Variants in SEMA3E observed in about 807,000 individuals in gnomAD.
SEMA3E encodes the protein semaphorin 3E.
Under a neutral mutation model 93.6 loss-of-function variants are expected in SEMA3E, and 49 were observed. The ratio of observed to expected loss-of-function variants is 0.52; its 90% CI spans 0.42 to 0.66. The LOEUF is 0.66. SEMA3E is among the 30% of genes least tolerant of loss of function. The pLI is 0.00. For missense variants in SEMA3E, 906 were observed against 964.8 expected (o/e 0.94, Z 0.81); for synonymous variants, 363 against 330.7 (o/e 1.10, Z -1.06).
intron 2 of SEMA3E, among the ~76,000 whole-genome samples, chr7:83,482,678 T>C (rs1040738601): frequency 1.5e-4 from 23 of 151,178 alleles, no homozygotes; most frequent in African/African-American, 5.6e-4. Context: ...TTTCATTACA[T>C]CTTCAAAGAT....
chr7:83,485,801 C>CA (rs1446094403), intron 2 of SEMA3E, among the ~76,000 whole-genome samples: 1 of 151,992 alleles, frequency 6.6e-6, no homozygotes, highest in African/African-American at 2.4e-5. Flanking sequence ...GCTGCCCCTG[C>CA]AATGGGATTG....
chr7:83,370,681 C>T (rs1480640490), intron 16 of SEMA3E, among the ~76,000 whole-genome samples: 3 of 152,098 alleles, frequency 2.0e-5, no homozygotes, highest in Admixed American at 6.6e-5. Context: ...ATATCATCTT[C>T]CCAAACTGGC....
At chr7:83,382,864 G>A (rs1467262200) in intron 16 of SEMA3E, among the ~76,000 whole-genome samples, 1 of 151,870 alleles carries the variant, frequency 6.6e-6, no homozygotes, top group Non-Finnish European at 1.5e-5. Flanking sequence ...TTAGAAAGTA[G>A]ACAATTGAGT....
At chr7:83,423,315 ATGTC>A (rs1036302764) in intron 4 of SEMA3E, among the ~76,000 whole-genome samples, 2 of 152,122 alleles carry the variant, frequency 1.3e-5, no homozygotes, top group East Asian at 1.9e-4. Context: ...AGATGTATGT[ATGTC>A]TAAGGTCAAA....
At chr7:83,480,839 T>A (rs1471543922) in intron 2 of SEMA3E, among the ~76,000 whole-genome samples, 1 of 152,204 alleles carries the variant, frequency 6.6e-6, no homozygotes, top group African/African-American at 2.4e-5. Flanking sequence ...AGTCATAACA[T>A]AATAAAATAT....
chr7:83,547,581 C>A (rs1226521925), intron 1 of SEMA3E, among the ~76,000 whole-genome samples: 1 of 152,120 alleles, frequency 6.6e-6, no homozygotes, highest in Non-Finnish European at 1.5e-5. Flanking sequence ...TGTGGTCAGA[C>A]ATACTTTGGT....
At chr7:83,624,452 A>G (rs1490584811) in intron 1 of SEMA3E, among the ~76,000 whole-genome samples, 1 of 151,930 alleles carries the variant, frequency 6.6e-6, no homozygotes, top group African/African-American at 2.4e-5. Context: ...TGTGGTTTTT[A>G]TTTGCATTTC....
In SEMA3E at chr7:83,376,139, C is replaced by T. The variant is rs937702400; in HGVS notation, c.1876-8101G>A. On this transcript the variant is annotated intron_variant, in intron 16 of 16. Transcript: ENST00000643230. ...TTCAAATGAGGCAAGAGTTCATGCA[C>T]TTTACATTATAAAAACAAGAAAAAC... Among the ~76,000 whole-genome samples the T allele has an allele frequency of 4.6e-5, 7 of 151,950 alleles. No homozygotes were observed. In the South Asian group the frequency reaches 6.2e-4, roughly 13 times the overall value.
intron 1 of SEMA3E, among the ~76,000 whole-genome samples, chr7:83,545,512 A>T (rs1791625973): frequency 6.8e-6 from 1 of 147,048 alleles, no homozygotes; most frequent in Non-Finnish European, 1.5e-5. Flanking sequence ...TCCTTGGCAT[A>T]ATTCCCCAGC....
At chr7:83,396,907 T>A (rs546631607) in intron 11 of SEMA3E, among the ~76,000 whole-genome samples, 178 bp from the exon 12 acceptor site, 1 of 151,862 alleles carries the variant, frequency 6.6e-6, no homozygotes, top group Non-Finnish European at 1.5e-5. Context: ...GGCAAAACCC[T>A]GTCTCTACTA....
intron 2 of SEMA3E, among the ~76,000 whole-genome samples, chr7:83,473,711 T>G (rs1030055889): frequency 1.3e-5 from 2 of 152,226 alleles, no homozygotes; most frequent in Admixed American, 6.5e-5. Context: ...TCTGATTTGT[T>G]TCAGACTTTT....
chr7:83,640,739 C>G (rs761034431), intron 1 of SEMA3E, among the ~76,000 whole-genome samples: 2 of 152,068 alleles, frequency 1.3e-5, no homozygotes, highest in African/African-American at 4.8e-5. Flanking sequence ...TTTCTTTCCC[C>G]TTTTGGCTTA....
At chr7:83,417,051 C>T (rs545008184) in intron 5 of SEMA3E, among the ~76,000 whole-genome samples, 32 of 150,296 alleles carry the variant, frequency 2.1e-4, no homozygotes, top group Non-Finnish European at 3.7e-4. Flanking sequence ...GGTAGAGAAA[C>T]TCAAAATATT....
intron 4 of SEMA3E, among the ~76,000 whole-genome samples, chr7:83,436,182 G>T (rs1293312353): frequency 6.6e-6 from 1 of 151,672 alleles, no homozygotes; most frequent in Non-Finnish European, 1.5e-5. Flanking sequence ...ACATATGTGT[G>T]TGTGTGTACA....
At chr7:83,584,552 T>C (rs1792581666) in intron 1 of SEMA3E, among the ~76,000 whole-genome samples, 1 of 152,308 alleles carries the variant, frequency 6.6e-6, no homozygotes, top group East Asian at 1.9e-4. Flanking sequence ...TGTTGGATGC[T>C]GTCTCAGGAA....
At chr7:83,571,131 C>T (rs1000735096) in intron 1 of SEMA3E, among the ~76,000 whole-genome samples, 1 of 151,660 alleles carries the variant, frequency 6.6e-6, no homozygotes, top group African/African-American at 2.4e-5. Flanking sequence ...GGATTTGCAG[C>T]CAAATTCTAA....
At chr7:83,388,269 A>G (rs1393379310) in intron 14 of SEMA3E, among the ~76,000 whole-genome samples, 4 of 148,632 alleles carry the variant, frequency 2.7e-5, no homozygotes, top group Non-Finnish European at 5.9e-5. Flanking sequence ...AGATTGCACC[A>G]CTGCACTCCA....
intron 1 of SEMA3E, among the ~76,000 whole-genome samples, chr7:83,519,583 A>T (rs1791003397): frequency 6.6e-6 from 1 of 152,128 alleles, no homozygotes; most frequent in African/African-American, 2.4e-5. Flanking sequence ...TTCAAGATTC[A>T]TACCAAACTC....
intron 1 of SEMA3E, among the ~76,000 whole-genome samples, chr7:83,645,516 T>C (rs1238616717): frequency 6.6e-6 from 1 of 152,090 alleles, no homozygotes; most frequent in Non-Finnish European, 1.5e-5. Context: ...AAAAGATTTA[T>C]GTATTGCTTC....
Sources: allele counts gnomAD v4.1 joint callset (sites outside exome capture counted in the v4.1 genomes callset), GRCh38; gene constraint gnomAD v4.1.1; transcripts MANE v1.5; gene names NCBI Gene and HGNC (gene_info 2026-07-23, HGNC 2026-07-21).